The following CPNE4 variants were observed in gnomAD, a reference collection of about 807,000 sequenced individuals.
CPNE4 encodes copine-4.
A neutral mutation model predicts 67.9 loss-of-function variants in CPNE4; 25 were observed. That is an observed-to-expected ratio of 0.37 (90% CI 0.27 to 0.51). CPNE4 has a LOEUF of 0.51. CPNE4 is among the 20% of genes least tolerant of loss of function. CPNE4 has a pLI of 0.93. For synonymous variants in CPNE4, 242 were observed against 244.9 expected, an observed-to-expected ratio of 0.99 and a Z score of 0.11; for missense variants, 464 against 690.8, an observed-to-expected ratio of 0.67 and a Z score of 3.68.
chr3:131,589,775 T>C (rs1201711718), intron 7 of CPNE4, among the ~76,000 whole-genome samples: 2 of 152,226 alleles, frequency 1.3e-5, no homozygotes, highest in African/African-American at 2.4e-5. Flanking sequence ...GGCAGATAAT[T>C]ATTTTGCCTA....
At chr3:131,743,766 C>T (rs1290062216) in intron 2 of CPNE4, among the ~76,000 whole-genome samples, 1 of 151,442 alleles carries the variant, frequency 6.6e-6, no homozygotes, top group Non-Finnish European at 1.5e-5. Context: ...ATAAATAAAA[C>T]AATAAAAGCA....
intron 10 of CPNE4, among the ~76,000 whole-genome samples, chr3:131,571,916 A>G (rs561281150): frequency 1.2e-4 from 19 of 152,146 alleles, no homozygotes; most frequent in East Asian, 9.7e-4. Flanking sequence ...AGGTTTTAGT[A>G]TTTATAATTA....
chr3:131,602,982 T>A (rs1013202771), intron 7 of CPNE4, among the ~76,000 whole-genome samples: 1 of 152,200 alleles, frequency 6.6e-6, no homozygotes, highest in African/African-American at 2.4e-5. Flanking sequence ...ACTTTTAACA[T>A]CTGATGAAGC....
chr3:131,651,078 A>G (rs1014952030), intron 7 of CPNE4, among the ~76,000 whole-genome samples: 33 of 152,202 alleles, frequency 2.2e-4, no homozygotes, highest in Non-Finnish European at 4.4e-5. Flanking sequence ...TGAGGAAAGC[A>G]TTAGAAAATA....
chr3:131,737,432 G>A (rs2082263652), intron 2 of CPNE4, among the ~76,000 whole-genome samples: 1 of 152,040 alleles, frequency 6.6e-6, no homozygotes, highest in African/African-American at 2.4e-5. Flanking sequence ...ATACAATGAA[G>A]GGATGACATT....
At chr3:131,967,975 A>AACCAAAACAGCATGGTAATGGT (rs1423167466) in intron 1 of CPNE4, among the ~76,000 whole-genome samples, 3 of 152,220 alleles carry the variant, frequency 2.0e-5, no homozygotes, top group Non-Finnish European at 2.9e-5. Context: ...AGCATACAGT[A>AACCAAAACAGCATGGTAATGGT]ACCAAAACAG....
intron 2 of CPNE4, among the ~76,000 whole-genome samples, chr3:131,884,112 C>T (rs1336003012): frequency 1.3e-5 from 2 of 152,204 alleles, no homozygotes; most frequent in Non-Finnish European, 2.9e-5. Flanking sequence ...ATTCTACCCA[C>T]TAGCACAAAA....
At chr3:131,610,720 T>G (rs1211280537) in intron 7 of CPNE4, among the ~76,000 whole-genome samples, 5 of 152,178 alleles carry the variant, frequency 3.3e-5, no homozygotes, top group African/African-American at 4.8e-5. Context: ...CTGGAAACAC[T>G]TTCACATGAA....
At chr3:131,996,800 A>T (rs1583575339) in intron 1 of CPNE4, among the ~76,000 whole-genome samples, 1 of 152,036 alleles carries the variant, frequency 6.6e-6, no homozygotes, top group South Asian at 2.1e-4. Context: ...GAATGGCCAT[A>T]TTGCTTTGAA....
chr3:132,022,084 A>G lies in CPNE4; in HGVS notation c.-2+12483T>C, dbSNP rs1269716113. Among the ~76,000 whole-genome samples, 8 of 152,192 alleles carry G rather than the reference A, an allele frequency of 5.3e-5. 1 individual carries two copies. The highest frequency in any genetic ancestry group is 1.2e-4 in the Non-Finnish European group (8 of 68,038). ...CATTTCTGCTGAAGACAGCAAGTCT[A>G]TTTCCAGGCTGCTTAGCTTGACTGG... On this transcript the variant is annotated intron_variant, in intron 1 of 15. Transcript: ENST00000429747.
chr3:131,779,445 A>G (rs572267389), intron 2 of CPNE4, among the ~76,000 whole-genome samples: 97 of 152,248 alleles, frequency 6.4e-4, no homozygotes, highest in African/African-American at 2.3e-3. Context: ...CTGCAAAGCT[A>G]CAGTAACTAA....
intron 10 of CPNE4, among the ~76,000 whole-genome samples, chr3:131,569,226 G>A (rs974939657): frequency 6.6e-6 from 1 of 151,790 alleles, no homozygotes; most frequent in African/African-American, 2.4e-5. Context: ...AAGCAGACTC[G>A]AAGGTCTACA....
At chr3:131,573,699 T>G (rs1937448120) in intron 10 of CPNE4, among the ~76,000 whole-genome samples, 1 of 152,106 alleles carries the variant, frequency 6.6e-6, no homozygotes, top group African/African-American at 2.4e-5. Context: ...TGACATTGCT[T>G]GCTTCCATAC....
chr3:131,836,490 C>T (rs1318079892), intron 2 of CPNE4, among the ~76,000 whole-genome samples: 1 of 152,166 alleles, frequency 6.6e-6, no homozygotes, highest in African/African-American at 2.4e-5. Flanking sequence ...AAATAACCTA[C>T]AGCTAACATT....
chr3:131,849,502 T>C (rs889222797), intron 2 of CPNE4, among the ~76,000 whole-genome samples: 1 of 152,090 alleles, frequency 6.6e-6, no homozygotes, highest in Non-Finnish European at 1.5e-5. Context: ...GAACTCACTC[T>C]ATATTACAAG....
upstream of CPNE4, chr3:132,038,070 G>T (rs1250636153): frequency 6.5e-6 from 1 of 152,876 alleles, no homozygotes; most frequent in Non-Finnish European, 1.4e-5. Flanking sequence ...TATTTTTGAG[G>T]CTGTGGATCA....
At chr3:131,666,744 T>C (rs1266309668) in intron 7 of CPNE4, among the ~76,000 whole-genome samples, 1 of 152,076 alleles carries the variant, frequency 6.6e-6, no homozygotes, top group Non-Finnish European at 1.5e-5. Flanking sequence ...AAACACAGAA[T>C]GTGAGAAATG....
At chr3:131,585,713 C>T (rs113545125) in intron 8 of CPNE4, among the ~76,000 whole-genome samples, 1 of 152,152 alleles carries the variant, frequency 6.6e-6, no homozygotes, top group African/African-American at 2.4e-5. Flanking sequence ...GGTATGAATG[C>T]TATCATTGAT....
chr3:131,696,628 A>G lies in CPNE4; in HGVS notation c.433-12T>C. 17 of 1,612,886 alleles carry G rather than the reference A, an allele frequency of 1.1e-5. No homozygotes were observed. The highest frequency in any genetic ancestry group is 1.4e-5 in the Non-Finnish European group (17 of 1,178,912). The stretch of plus-strand genomic sequence containing the variant: ...TCTTCAGCAATCACCTAAAGGAAAA[A>G]GCACACATCAGCTGCAATAGAGGGT... On this transcript the variant is annotated splice_polypyrimidine_tract_variant and intron_variant, in intron 4 of 15. Transcript: ENST00000429747.
Sources: gnomAD v4.1 joint callset for allele counts (sites outside exome capture counted in the v4.1 genomes callset) on GRCh38, gnomAD v4.1.1 for gene constraint, MANE v1.5 for transcripts, NCBI Gene and HGNC (gene_info 2026-07-23, HGNC 2026-07-21) for gene names.